The following SDCCAG8 variants were observed in gnomAD, a reference collection of about 807,000 sequenced individuals.
SDCCAG8 encodes serologically defined colon cancer antigen 8.
Under a neutral mutation model 101.8 loss-of-function variants are expected in SDCCAG8, and 74 were observed. The ratio of observed to expected loss-of-function variants is 0.73; its 90% CI spans 0.60 to 0.88. The LOEUF (loss-of-function observed/expected upper bound fraction) is 0.88, where lower values mean the gene tolerates loss of function less well. Among genes scored for constraint, SDCCAG8 ranks in the 40% least tolerant of loss-of-function variants. The pLI is 0.00. For synonymous variants in SDCCAG8, 281 were observed against 292.9 expected, an observed-to-expected ratio of 0.96 and a Z score of 0.41; for missense variants, 787 against 822.6, an observed-to-expected ratio of 0.96 and a Z score of 0.53.
chr1:243,293,612 G>A, intron 6 of SDCCAG8: 1 of 377,878 alleles, frequency 2.6e-6, no homozygotes, highest in South Asian at 2.0e-5. Context: ...TTTTGTTGTA[G>A]CATGTGTCAA....
rs1165391854 is a variant in SDCCAG8, at chr1:243,327,389, T to TTATAATTTTATAGAAATTAAAATTATAA, written c.1069-3150_1069-3149insATAATTTTATAGAAATTAAAATTATAAT. On this transcript the variant is annotated intron_variant, in intron 9 of 17. Coordinates refer to ENST00000366541, the MANE Select transcript of SDCCAG8 (RefSeq NM_006642.5). ...AATTTTATAGAAATTAAAATTATAA[T>TTATAATTTTATAGAAATTAAAATTATAA]TTATAATTTTATAGAAATTTATAAT... Among the ~76,000 whole-genome samples, 233 of 61,464 alleles carry TTATAATTTTATAGAAATTAAAATTATAA rather than the reference T, an allele frequency of 3.8e-3. 5 individuals are homozygous for TTATAATTTTATAGAAATTAAAATTATAA. The highest frequency in any genetic ancestry group is 0.011 in the African/African-American group (219 of 20,332). The allele number at this position is 61,464 out of a possible 152,430, so 40.3% of individuals were successfully genotyped here.
intron 16 of SDCCAG8, among the ~76,000 whole-genome samples, chr1:243,431,915 A>G (rs2081802087): frequency 1.3e-5 from 2 of 152,208 alleles, no homozygotes; most frequent in South Asian, 4.1e-4. Context: ...GTATATCCAT[A>G]AAAACCATTG....
chr1:243,270,883 A>G (rs2068026561), intron 2 of SDCCAG8, 95 bp from the exon 3 acceptor site: 4 of 873,818 alleles, frequency 4.6e-6, no homozygotes, highest in Non-Finnish European at 7.9e-6. Context: ...GATGCATAAT[A>G]TATCAGCAAT....
chr1:243,303,526 C>T (rs907259950), intron 6 of SDCCAG8, among the ~76,000 whole-genome samples: 15 of 152,180 alleles, frequency 9.9e-5, no homozygotes, highest in Admixed American at 7.9e-4. Context: ...CCTCCTCCAA[C>T]TCAGCCTACT....
intron 13 of SDCCAG8, among the ~76,000 whole-genome samples, chr1:243,383,842 G>A (rs1051798026): frequency 1.3e-5 from 2 of 152,136 alleles, no homozygotes; most frequent in Non-Finnish European, 2.9e-5. Flanking sequence ...CCTCTTACCT[G>A]CTGATTTCCA....
At chr1:243,277,039 T>A (rs1272541020) in intron 4 of SDCCAG8, among the ~76,000 whole-genome samples, 3 of 152,244 alleles carry the variant, frequency 2.0e-5, no homozygotes, top group Non-Finnish European at 4.4e-5. Flanking sequence ...AGCTTTTTTA[T>A]CTGTGCACCT....
chr1:243,282,849 T>A (rs2069183162), intron 4 of SDCCAG8, among the ~76,000 whole-genome samples: 1 of 152,118 alleles, frequency 6.6e-6, no homozygotes. Context: ...TGTTTTTTAA[T>A]TATTATTATT....
chr1:243,378,953 T>C, intron 13 of SDCCAG8, 90 bp downstream of exon 13: 1 of 1,535,604 alleles, frequency 6.5e-7, no homozygotes, highest in Non-Finnish European at 9.0e-7. Flanking sequence ...GAGTTAGTCT[T>C]AGTCATTCAA....
intron 6 of SDCCAG8, 122 bp downstream of exon 6, chr1:243,293,341 A>G (rs116425850): frequency 1.0e-6 from 1 of 993,558 alleles, no homozygotes; most frequent in Admixed American, 2.0e-5. Flanking sequence ...TTAAGCGTAC[A>G]GTTTATCTGC....
In SDCCAG8 at chr1:243,418,153, G is replaced by T; in HGVS notation, c.1853+77G>T. On this transcript the variant is annotated intron_variant, in intron 15 of 17. Transcript: ENST00000366541. Reference sequence around the variant, plus strand: ...AATTTTTCCTTAAAAAACATCATTTGCACTGTTTTATAGTCTAATGTCAAA... The same window carrying T: ...AATTTTTCCTTAAAAAACATCATTTTCACTGTTTTATAGTCTAATGTCAAA... 5.9e-6 allele frequency: 6 copies of T among 1,018,840 alleles called. No homozygotes were observed. In the Admixed American group the frequency reaches 7.1e-5, roughly 12 times the overall value. The allele number at this position is 1,018,840 out of a possible 1,614,324, so 63.1% of individuals were successfully genotyped here.
chr1:243,433,321 C>T (rs1456595644), intron 16 of SDCCAG8, among the ~76,000 whole-genome samples: 2 of 148,568 alleles, frequency 1.3e-5, no homozygotes, highest in East Asian at 4.0e-4. Flanking sequence ...CACTGCACTC[C>T]AGCCTGGGCA....
intron 16 of SDCCAG8, among the ~76,000 whole-genome samples, chr1:243,448,599 T>C (rs1343121486): frequency 6.6e-6 from 1 of 152,196 alleles, no homozygotes; most frequent in Non-Finnish European, 1.5e-5. Flanking sequence ...AGACCTCTTA[T>C]TTCCCAAGAC....
At position 243,271,036 on chromosome 1, in the gene SDCCAG8, G is replaced by A. The variant is rs145877279; in HGVS notation, c.279G>A (p.Pro93=). The change falls in exon 3 of 18, where the codon CCG becomes CCA. Residue 93 remains proline (P), a synonymous_variant. Transcript: ENST00000366541. ...QQADKESEVS[P]SRRRKMSPLR... ...CAGATAAGGAAAGTGAAGTATCTCC[G>A]TCAAGAAGAAGAAAAATGTCCCCCT... The A allele has an allele frequency of 2.1e-3, 3,332 of 1,612,954 alleles. 21 individuals are homozygous for A. Among genetic ancestry groups the A allele is most frequent in the South Asian group, 8.3e-3 (757 of 91,066 alleles).
At chr1:243,353,524 G>A (rs57544752) in intron 12 of SDCCAG8, among the ~76,000 whole-genome samples, 10,575 of 47,774 alleles carry the variant, frequency 0.22, 1 homozygote, top group East Asian at 0.3. Flanking sequence ...AAAAAAAAAA[G>A]AATGTTGCCC....
intron 6 of SDCCAG8, among the ~76,000 whole-genome samples, chr1:243,299,870 T>C (rs1216424132): frequency 6.6e-6 from 1 of 151,366 alleles, no homozygotes; most frequent in East Asian, 1.9e-4. Context: ...TGAATTAATT[T>C]TTTTTTTTTT....
At chr1:243,270,375 A>C in intron 2 of SDCCAG8, 118 bp downstream of exon 2, 1 of 1,037,642 alleles carries the variant, frequency 9.6e-7, no homozygotes, top group Non-Finnish European at 1.5e-6. Context: ...TCAAACACAA[A>C]TCAGATAATT....
intron 16 of SDCCAG8, among the ~76,000 whole-genome samples, chr1:243,464,715 T>C (rs1234294128): frequency 6.6e-6 from 1 of 152,160 alleles, no homozygotes; most frequent in African/African-American, 2.4e-5. Flanking sequence ...GGAAGTAAGA[T>C]AGGACAATAA....
intron 12 of SDCCAG8, among the ~76,000 whole-genome samples, chr1:243,351,339 T>C (rs749015173): frequency 1.3e-5 from 2 of 152,226 alleles, no homozygotes; most frequent in African/African-American, 4.8e-5. Flanking sequence ...ACCAGTATGC[T>C]AGACACTGTG....
At chr1:243,362,385 A>G (rs2076769583) in intron 12 of SDCCAG8, among the ~76,000 whole-genome samples, 1 of 152,198 alleles carries the variant, frequency 6.6e-6, no homozygotes, top group Non-Finnish European at 1.5e-5. Context: ...CAGTAACTGG[A>G]TGGATAGGTA....
Sources: allele counts gnomAD v4.1 joint callset (sites outside exome capture counted in the v4.1 genomes callset), GRCh38; gene constraint gnomAD v4.1.1; transcripts MANE v1.5; gene names NCBI Gene and HGNC (gene_info 2026-07-23, HGNC 2026-07-21).